The following SAP30BP variants were observed in gnomAD, a reference collection of about 807,000 sequenced individuals.
The protein encoded by SAP30BP is SAP30-binding protein.
Under a neutral mutation model 46.3 loss-of-function variants are expected in SAP30BP, and 31 were observed. The observed-to-expected ratio is 0.67, with a 90% CI of 0.50 to 0.90. The LOEUF (loss-of-function observed/expected upper bound fraction) is 0.90. Among genes scored for constraint, SAP30BP ranks in the 40% least tolerant of loss-of-function variants. The pLI, the probability that SAP30BP is intolerant of heterozygous loss-of-function variation, is 0.00. For missense variants in SAP30BP, 312 were observed against 391.0 expected (o/e 0.80, Z 1.70); for synonymous variants, 169 against 144.2 (o/e 1.17, Z -1.23).
intron 2 of SAP30BP, among the ~76,000 whole-genome samples, 200 bp downstream of exon 2, chr17:75,668,825 C>T (rs771054015): frequency 1.3e-5 from 2 of 152,130 alleles, no homozygotes; most frequent in Non-Finnish European, 2.9e-5. Context: ...TTTTATTAAT[C>T]TTTGAATTGA....
intron 3 of SAP30BP, among the ~76,000 whole-genome samples, chr17:75,672,486 G>A (rs947180243): frequency 3.3e-5 from 5 of 152,174 alleles, no homozygotes; most frequent in Admixed American, 6.5e-5. Flanking sequence ...GATCTGTTGT[G>A]AAGGTTAAGA....
chr17:75,692,611 A>T, intron 3 of SAP30BP: 1 of 668,824 alleles, frequency 1.5e-6, no homozygotes, highest in South Asian at 6.7e-5. Flanking sequence ...CTTTCTCAGC[A>T]TTGATTTTGG....
chr17:75,703,134 C>T (rs2060439741), intron 6 of SAP30BP, 177 bp from the exon 7 acceptor site: 1 of 613,502 alleles, frequency 1.6e-6, no homozygotes, highest in Admixed American at 2.8e-5. Context: ...CTCCCGGCCC[C>T]TAGCTAACAG....
rs538118473 is a variant in SAP30BP, at chr17:75,688,586, A to C, written c.265-4854A>C. On this transcript the variant is annotated intron_variant, in intron 3 of 10. Coordinates refer to ENST00000584667, the MANE Select transcript of SAP30BP (RefSeq NM_013260.8). ...TGCCTTTGTGGAACTCAAGTTTGAC[A>C]CTGGAGCTTTGTGGGGCCGGTTCCA... Among the ~76,000 whole-genome samples the C allele has an allele frequency of 1.3e-4, 20 of 152,110 alleles. No individual in the cohort carries two copies. The South Asian group carries it at 3.5e-3, about 27-fold the overall frequency.
At chr17:75,705,232 C>T (rs931799751) in intron 9 of SAP30BP, 17 of 213,112 alleles carry the variant, frequency 8.0e-5, no homozygotes, top group South Asian at 1.4e-4. Context: ...TTAGGTCCCA[C>T]GTTAGGGCCC....
In SAP30BP at chr17:75,705,751, G is replaced by C. The variant is rs1294735641; in HGVS notation, c.661-257G>C. ...GGCATGTGAGGTGGGGCGGTGGGCG[G>C]GGGGTGCCGGGCATGTGCAGAGACC... On this transcript the variant is annotated intron_variant, in intron 9 of 10. Transcript: ENST00000584667. The C allele has an allele frequency of 1.8e-5, 20 of 1,107,946 alleles. No individual in the cohort carries two copies. The South Asian group carries it at 3.4e-4, about 19-fold the overall frequency. 68.6% of individuals were successfully genotyped at this position (1,107,946 alleles called of 1,614,324 possible).
intron 3 of SAP30BP, among the ~76,000 whole-genome samples, chr17:75,682,192 T>G (rs1023216649): frequency 6.6e-6 from 1 of 152,144 alleles, no homozygotes; most frequent in African/African-American, 2.4e-5. Context: ...ACGACCATTT[T>G]TTTTTTTTTG....
intron 5 of SAP30BP, among the ~76,000 whole-genome samples, chr17:75,701,408 G>A (rs554057291): frequency 3.3e-5 from 5 of 152,238 alleles, no homozygotes; most frequent in Admixed American, 6.5e-5. Flanking sequence ...TGCTGATGCC[G>A]TCTACTTTGG....
At chr17:75,691,192 A>G (rs1040657487) in intron 3 of SAP30BP, among the ~76,000 whole-genome samples, 23 of 152,118 alleles carry the variant, frequency 1.5e-4, no homozygotes, top group African/African-American at 5.6e-4. Context: ...TGGGCATGCC[A>G]TGCCCTTTTT....
chr17:75,688,913 C>T (rs2060201263), intron 3 of SAP30BP, among the ~76,000 whole-genome samples: 1 of 152,102 alleles, frequency 6.6e-6, no homozygotes, highest in Non-Finnish European at 1.5e-5. Flanking sequence ...ACCAAATTGG[C>T]AGGTTGAGAT....
intron 3 of SAP30BP, chr17:75,683,403 A>G (rs1599123489): frequency 6.6e-6 from 1 of 151,916 alleles, no homozygotes; most frequent in African/African-American, 2.4e-5. Context: ...ATTTTTTTAA[A>G]AACCCATTGA....
chr17:75,683,148 ATTC>A (rs1463794145), intron 3 of SAP30BP, among the ~76,000 whole-genome samples: 2 of 149,500 alleles, frequency 1.3e-5, no homozygotes, highest in Non-Finnish European at 3.0e-5. Flanking sequence ...GGTTCAAGCA[ATTC>A]TTCTGCCTCA....
intron 5 of SAP30BP, among the ~76,000 whole-genome samples, chr17:75,701,757 T>C (rs16968197): frequency 0.052 from 7,866 of 152,286 alleles, 230 homozygotes; most frequent in Admixed American, 0.066. Context: ...CTTGATCTCA[T>C]GTTAAAATTG....
Position 75,671,813 on chromosome 17 carries a change from T to C in SAP30BP, c.217-3T>C. On this transcript the variant is annotated splice_polypyrimidine_tract_variant and splice_region_variant and intron_variant, in intron 2 of 10. Transcript: ENST00000584667. ...TTAATCCTCTAAATTCTTTGTCTTG[T>C]AGGAAGATGACGATTCAGAGACTGA... The C allele has an allele frequency of 6.2e-7, 1 of 1,612,310 alleles. No individual in the cohort carries two copies. Among genetic ancestry groups the C allele is most frequent in the Non-Finnish European group, 8.5e-7 (1 of 1,178,406 alleles).
intron 3 of SAP30BP, chr17:75,690,670 G>A (rs1199802864): frequency 1.1e-5 from 5 of 456,454 alleles, no homozygotes; most frequent in Non-Finnish European, 1.8e-5. Flanking sequence ...TTCTTCTTTA[G>A]GAGAAGCTCG....
In SAP30BP at chr17:75,704,689, G is replaced by C; in HGVS notation, c.602-67G>C. ...CCCGCTGAAAAGAACGCAGGGATCA[G>C]AGTAGGCTCCCTCAGCCCAGAGCTG... On this transcript the variant is annotated intron_variant, in intron 8 of 10. Transcript: ENST00000584667. 11 of 1,170,566 alleles carry C rather than the reference G, an allele frequency of 9.4e-6. No individual in the cohort carries two copies. In the South Asian group the frequency reaches 1.3e-4, roughly 14 times the overall value. 72.5% of individuals were successfully genotyped at this position (1,170,566 alleles called of 1,614,324 possible). A position where few individuals can be genotyped will look rare whatever the true frequency, so the allele number is the denominator to read the frequency against.
At chr17:75,686,054 A>G (rs1456546662) in intron 3 of SAP30BP, among the ~76,000 whole-genome samples, 44 of 152,248 alleles carry the variant, frequency 2.9e-4, no homozygotes, top group Admixed American at 2.9e-3. Flanking sequence ...ATGTAACAAC[A>G]TCAGGAGCCG....
rs1317184786 is a variant in SAP30BP, at chr17:75,703,845, A to G, written c.587A>G (p.Tyr196Cys). ...FDPHGWSEDS[Y>C]YEALAKAQKI... ...CCCCATGGCTGGTCTGAGGACTCCT[A>G]CTATGAGGCATTAGGTAGCCTTTCG... Residue 196 changes from tyrosine to cysteine, a missense_variant, in exon 8 of 11, where the codon TAC becomes TGC. Tyr to Cys is a radical substitution (Grantham distance 194, BLOSUM62 -2). Around this residue, in one of 2 missense-constraint regions of SAP30BP, gnomAD observed 296 missense variants for 346.6 expected, o/e 0.85. Transcript: ENST00000584667. 3 of 1,613,154 alleles carry G rather than the reference A, an allele frequency of 1.9e-6. No homozygotes were observed. The highest frequency in any genetic ancestry group is 2.2e-5 in the East Asian group (1 of 44,878).
rs1390456158 is a variant in SAP30BP, at chr17:75,706,427, T to C, written c.833T>C (p.Leu278Pro). 1 of 1,614,174 alleles carries C rather than the reference T, an allele frequency of 6.2e-7. No homozygotes were observed. Among genetic ancestry groups the C allele is most frequent in the South Asian group, 1.1e-5 (1 of 91,088 alleles). ...ACCATCCTCACCACCACAGCCACCC[T>C]GCCAGCTGTTGTCACGGTCACCACC... Reference protein sequence around the residue: ...QPTILTTTATLPAVVTVTTSA... With the variant: ...QPTILTTTATPPAVVTVTTSA... The change falls in exon 11 of 11, where the codon CTG becomes CCG. Residue 278 changes from leucine to proline, a missense_variant. Transcript: ENST00000584667. This position sits in a 1 kb window ranked among gnomAD's most constrained non-coding sequence, Gnocchi z 4.6.
Sources: allele counts gnomAD v4.1 joint callset (sites outside exome capture counted in the v4.1 genomes callset), GRCh38; gene constraint gnomAD v4.1.1; regional missense constraint gnomAD v4.1.1; non-coding constraint Gnocchi (gnomAD v3.1); transcripts MANE v1.5; gene names NCBI Gene and HGNC (gene_info 2026-07-23, HGNC 2026-07-21).